RIMKLB: variants seen among roughly 807,000 people sequenced by gnomAD.
The protein encoded by RIMKLB is ribosomal modification protein rimK like family member B.
In RIMKLB, 7 loss-of-function variants were observed where a neutral mutation model predicts 32.0. That is an observed-to-expected ratio of 0.22 (90% CI 0.12 to 0.41). The LOEUF (loss-of-function observed/expected upper bound fraction) is 0.41. RIMKLB is among the 10% of genes least tolerant of loss of function. RIMKLB has a pLI of 1.00. For missense variants in RIMKLB, 289 were observed against 498.7 expected (o/e 0.58, Z 4.00); for synonymous variants, 172 against 185.1 (o/e 0.93, Z 0.57).
chr12:8,728,635 A>G (rs11829323), intron 2 of RIMKLB, among the ~76,000 whole-genome samples: 33,098 of 151,798 alleles, frequency 0.22, 4,098 homozygotes, highest in Non-Finnish European at 0.27. Context: ...TTTTGAGACA[A>G]GAGTTTCACT....
At chr12:8,699,273 T>G (rs900345185) in intron 1 of RIMKLB, among the ~76,000 whole-genome samples, 1 of 152,176 alleles carries the variant, frequency 6.6e-6, no homozygotes, top group African/African-American at 2.4e-5. Context: ...TTTTTTTTTG[T>G]GGGCTTGGTA....
Position 8,711,643 on chromosome 12 carries a change from A to G in RIMKLB, c.-56-2168A>G, listed in dbSNP as rs747779561. On this transcript the variant is annotated intron_variant, in intron 1 of 5. Coordinates refer to ENST00000535829, the MANE Select transcript of RIMKLB (RefSeq NM_001297776.2). ...ACTAACTCATCATCTAGCATTAGGT[A>G]TATCTCCCAATGCTATCCCTCCCCC... Among the ~76,000 whole-genome samples the G allele has an allele frequency of 1.4e-4, 21 of 152,176 alleles. No individual in the cohort carries two copies. In the South Asian group the frequency reaches 4.1e-3, roughly 30 times the overall value.
intron 5 of RIMKLB, among the ~76,000 whole-genome samples, chr12:8,771,873 G>GTT (rs1257303812): frequency 6.6e-6 from 1 of 151,810 alleles, no homozygotes; most frequent in East Asian, 1.9e-4. Context: ...CTCCAGTTTT[G>GTT]TTTTTGTTTT....
intron 2 of RIMKLB, among the ~76,000 whole-genome samples, chr12:8,748,148 T>C (rs546364132): frequency 2.0e-5 from 3 of 152,302 alleles, no homozygotes; most frequent in African/African-American, 7.2e-5. Flanking sequence ...ACCTAGAATG[T>C]TGTATGGAAG....
In RIMKLB at chr12:8,773,986, G is replaced by A. The variant is rs1310586247; in HGVS notation, c.*202G>A. On this transcript the variant is annotated 3_prime_UTR_variant, in exon 6 of 6. Coordinates refer to ENST00000535829, the MANE Select transcript of RIMKLB (RefSeq NM_001297776.2). ...CATTTACAAATCCTACAAATAGAGAGGCAGAATAGGTGGGGTATAGAAAAA... is the reference window on the plus strand; with the variant it reads ...CATTTACAAATCCTACAAATAGAGAAGCAGAATAGGTGGGGTATAGAAAAA... 20 of 1,379,388 alleles carry A rather than the reference G, an allele frequency of 1.4e-5. No individual in the cohort carries two copies. Among genetic ancestry groups the A allele is most frequent in the Non-Finnish European group, 1.9e-5 (20 of 1,070,258 alleles). The allele number at this position is 1,379,388 out of a possible 1,614,324, so 85.4% of individuals were successfully genotyped here.
upstream of RIMKLB, among the ~76,000 whole-genome samples, chr12:8,679,898 T>C (rs1451760593): frequency 1.3e-5 from 2 of 152,184 alleles, no homozygotes; most frequent in African/African-American, 2.4e-5. Flanking sequence ...CGGGTCTACA[T>C]TCCCAGATGG....
chr12:8,759,481 A>G (rs1485764272), intron 5 of RIMKLB, among the ~76,000 whole-genome samples: 1 of 152,206 alleles, frequency 6.6e-6, no homozygotes, highest in Non-Finnish European at 1.5e-5. Flanking sequence ...ATGAGAATTA[A>G]TTGCTATCTT....
upstream of RIMKLB, among the ~76,000 whole-genome samples, chr12:8,693,480 C>T (rs10770965): frequency 0.23 from 34,370 of 150,806 alleles, 4,147 homozygotes; most frequent in Non-Finnish European, 0.26. Flanking sequence ...CACTGCAACA[C>T]CCGCCTCCCA....
intron 1 of RIMKLB, among the ~76,000 whole-genome samples, chr12:8,711,531 T>A (rs1032576944): frequency 4.6e-5 from 7 of 152,142 alleles, no homozygotes; most frequent in South Asian, 4.1e-4. Context: ...ACTTTTTTTT[T>A]TTATTATTAT....
chr12:8,767,742 G>T (rs1414193719), intron 5 of RIMKLB, among the ~76,000 whole-genome samples: 8 of 152,134 alleles, frequency 5.3e-5, no homozygotes, highest in Admixed American at 1.3e-4. Flanking sequence ...GTTCCAGGCA[G>T]ACCAACGCTC....
downstream of RIMKLB, chr12:8,779,669 C>CA (rs1428819166): frequency 2.0e-5 from 3 of 152,028 alleles, no homozygotes; most frequent in African/African-American, 7.3e-5. Flanking sequence ...GAGGGTGGAA[C>CA]AAAAACAAGC....
At chr12:8,701,440 C>G (rs1032588594) in intron 1 of RIMKLB, among the ~76,000 whole-genome samples, 7 of 151,058 alleles carry the variant, frequency 4.6e-5, no homozygotes, top group African/African-American at 1.7e-4. Context: ...TTTTTTTTCC[C>G]CTCTCAAAAT....
At chr12:8,722,339 T>C (rs769688014) in intron 2 of RIMKLB, among the ~76,000 whole-genome samples, 16 of 152,056 alleles carry the variant, frequency 1.1e-4, no homozygotes, top group Admixed American at 2.0e-4. Context: ...GGTGACCAGG[T>C]GCATCATCAG....
At chr12:8,701,117 A>C (rs753249843) in intron 1 of RIMKLB, among the ~76,000 whole-genome samples, 1 of 152,242 alleles carries the variant, frequency 6.6e-6, no homozygotes, top group Admixed American at 6.5e-5. Flanking sequence ...AGGGAGGAGG[A>C]GACTGCGATA....
intron 2 of RIMKLB, among the ~76,000 whole-genome samples, chr12:8,725,758 A>G (rs1400788899): frequency 6.6e-6 from 1 of 152,242 alleles, no homozygotes; most frequent in Non-Finnish European, 1.5e-5. Context: ...GTACACACCA[A>G]GTAGCACAGT....
In RIMKLB at chr12:8,776,430, C is replaced by A; in HGVS notation, c.*2646C>A. On this transcript the variant is annotated 3_prime_UTR_variant, in exon 6 of 6. Coordinates refer to ENST00000535829, the MANE Select transcript of RIMKLB (RefSeq NM_001297776.2). ...CAGATATTTAGGTTAAACTTATTTT[C>A]ATAATTGTTTAATAACTTTTGTATA... The A allele has an allele frequency of 1.1e-6, 1 of 913,948 alleles. No homozygotes were observed. The highest frequency in any genetic ancestry group is 1.3e-6 in the Non-Finnish European group (1 of 765,016). 56.6% of individuals were successfully genotyped at this position (913,948 alleles called of 1,614,324 possible).
chr12:8,749,924 A>C lies in RIMKLB; in HGVS notation c.238A>C (p.Thr80Pro), dbSNP rs1948478027. Residue 80 changes from threonine to proline, a missense_variant, in exon 3 of 6, where the codon ACC (threonine) becomes CCC (proline). Thr to Pro is a conservative substitution (Grantham distance 38, BLOSUM62 -1). Coordinates refer to ENST00000535829, the MANE Select transcript of RIMKLB (RefSeq NM_001297776.2). ...YPQVVVVRVP[T>P]PWVQSDSDIT... ...ACAAGTGGTGGTAGTCAGAGTACCA[A>C]CCCCTTGGGTGCAAAGTGATAGTGA... 6.2e-7 allele frequency: 1 copy of C among 1,613,406 alleles called. No individual in the cohort carries two copies.
At chr12:8,762,546 C>T (rs2138031540) in intron 5 of RIMKLB, among the ~76,000 whole-genome samples, 1 of 152,236 alleles carries the variant, frequency 6.6e-6, no homozygotes, top group East Asian at 1.9e-4. Context: ...TCTGTACAGC[C>T]AAGAATAATC....
chr12:8,699,214 T>G (rs911777416), intron 1 of RIMKLB, among the ~76,000 whole-genome samples: 3 of 152,308 alleles, frequency 2.0e-5, no homozygotes, highest in African/African-American at 7.2e-5. Flanking sequence ...TGGAGTTAGG[T>G]TCAACTCTAA....
Sources: allele counts gnomAD v4.1 joint callset (sites outside exome capture counted in the v4.1 genomes callset), GRCh38; gene constraint gnomAD v4.1.1; transcripts MANE v1.5; gene names NCBI Gene and HGNC (gene_info 2026-07-23, HGNC 2026-07-21).